CCDC126: variants seen among roughly 807,000 people sequenced by gnomAD.
The protein encoded by CCDC126 is coiled-coil domain-containing protein 126.
CCDC126 carries 5 observed loss-of-function variants against 11.7 expected under a neutral mutation model. That is an observed-to-expected ratio of 0.43 (90% CI 0.22 to 0.90). The LOEUF (loss-of-function observed/expected upper bound fraction) is 0.90. Among genes scored for constraint, CCDC126 ranks in the 40% least tolerant of loss-of-function variants. The probability of loss-of-function intolerance (pLI) is 0.27; values close to 1 mark genes in which losing one functional copy is unlikely to be tolerated. For synonymous variants in CCDC126, 60 were observed against 61.9 expected, an observed-to-expected ratio of 0.97 and a Z score of 0.14; for missense variants, 150 against 163.1, an observed-to-expected ratio of 0.92 and a Z score of 0.44.
At chr7:23,614,705 A>G (rs1782768880) in intron 3 of CCDC126, among the ~76,000 whole-genome samples, 1 of 152,234 alleles carries the variant, frequency 6.6e-6, no homozygotes, top group East Asian at 1.9e-4. Context: ...GTTAGCAGCC[A>G]TGAAAACATG....
chr7:23,605,189 A>C (rs1379962468), intron 2 of CCDC126, among the ~76,000 whole-genome samples: 1 of 152,164 alleles, frequency 6.6e-6, no homozygotes, highest in African/African-American at 2.4e-5. Flanking sequence ...TGAGGTCAGA[A>C]AGAATTTAAT....
At position 23,644,102 on chromosome 7, in the gene CCDC126, G is replaced by A. The variant is rs1214986579; in HGVS notation, c.*987G>A. On this transcript the variant is annotated 3_prime_UTR_variant, in exon 4 of 4. Transcript: ENST00000307471. ...TGCTGCATTAAATTGCTTGGAAAATGTTAACATTATATTATATAAGAGTAT... is the reference window on the plus strand; with the variant it reads ...TGCTGCATTAAATTGCTTGGAAAATATTAACATTATATTATATAAGAGTAT... 1 of 152,004 alleles carries A rather than the reference G, an allele frequency of 6.6e-6. No homozygotes were observed. Among genetic ancestry groups the A allele is most frequent in the Admixed American group, 6.5e-5 (1 of 15,280 alleles). 9.4% of individuals were successfully genotyped at this position (152,004 alleles called of 1,614,324 possible).
In CCDC126 at chr7:23,619,738, C is replaced by A. The variant is rs192940650; in HGVS notation, c.238+8185C>A. On this transcript the variant is annotated intron_variant, in intron 3 of 3. Coordinates refer to ENST00000307471, the MANE Select transcript of CCDC126 (RefSeq NM_138771.4). ...TAATGCTATCCCTCCCCCCTCCCCC[C>A]ACCCCACAATAGGCCCTGGTGTGTG... Among the ~76,000 whole-genome samples, 19 of 106,888 alleles carry A rather than the reference C, an allele frequency of 1.8e-4. No homozygotes were observed. The East Asian group carries it at 6.7e-3, about 38-fold the overall frequency. 70.1% of individuals were successfully genotyped at this position (106,888 alleles called of 152,430 possible).
At chr7:23,599,322 C>T (rs577877941) in intron 2 of CCDC126, among the ~76,000 whole-genome samples, 176 of 152,240 alleles carry the variant, frequency 1.2e-3, no homozygotes, top group African/African-American at 3.9e-3. Context: ...TGCCAACTGC[C>T]TGGTTTTCCC....
intron 3 of CCDC126, among the ~76,000 whole-genome samples, chr7:23,628,845 C>T (rs1164525415): frequency 6.6e-6 from 1 of 152,188 alleles, no homozygotes; most frequent in Non-Finnish European, 1.5e-5. Context: ...ACCACACTGT[C>T]AGTGGAGAGT....
Position 23,644,112 on chromosome 7 carries a change from T to G in CCDC126, c.*997T>G, listed in dbSNP as rs1297697655. The G allele has an allele frequency of 1.3e-5, 2 of 152,056 alleles. No individual in the cohort carries two copies. The highest frequency in any genetic ancestry group is 2.9e-5 in the Non-Finnish European group (2 of 67,950). 9.4% of individuals were successfully genotyped at this position (152,056 alleles called of 1,614,324 possible). A position where few individuals can be genotyped will look rare whatever the true frequency, so the allele number is the denominator to read the frequency against. On this transcript the variant is annotated 3_prime_UTR_variant, in exon 4 of 4. Transcript: ENST00000307471. ...AATTGCTTGGAAAATGTTAACATTATATTATATAAGAGTATCCTTTATGAA... is the reference window on the plus strand; with the variant it reads ...AATTGCTTGGAAAATGTTAACATTAGATTATATAAGAGTATCCTTTATGAA...
At chr7:23,606,524 C>T (rs906914489) in intron 2 of CCDC126, among the ~76,000 whole-genome samples, 1 of 152,134 alleles carries the variant, frequency 6.6e-6, no homozygotes, top group Non-Finnish European at 1.5e-5. Context: ...AACCACTTGA[C>T]AAGCAGCTAT....
In CCDC126 at chr7:23,611,235, C is replaced by A. The variant is rs182881031; in HGVS notation, c.-81C>A. ...TATACAATATTGAGGATATTTTTTTCTTTTTTTTTTCAAGTCTTGATTTGT... is the reference window on the plus strand; with the variant it reads ...TATACAATATTGAGGATATTTTTTTATTTTTTTTTTCAAGTCTTGATTTGT... On this transcript the variant is annotated 5_prime_UTR_variant, in exon 3 of 4. Transcript: ENST00000307471. 3.2e-3 allele frequency: 2,399 copies of A among 748,812 alleles called. 7 individuals carry two copies. The highest frequency in any genetic ancestry group is 4.7e-3 in the Non-Finnish European group (2,136 of 453,370). The allele number at this position is 748,812 out of a possible 1,614,324, so 46.4% of individuals were successfully genotyped here.
At position 23,609,610 on chromosome 7, in the gene CCDC126, C is replaced by G. The variant is rs1782673291; in HGVS notation, c.-145-1561C>G. 2.6e-5 allele frequency among the ~76,000 whole-genome samples: 4 copies of G among 152,156 alleles called. No individual in the cohort carries two copies. In the South Asian group the frequency reaches 8.3e-4, roughly 32 times the overall value. ...CCTGCCAGTGCTGTGGCTTATGCCT[C>G]TAATCCCAGCACTTTGGGAGGCTGA... On this transcript the variant is annotated intron_variant, in intron 2 of 3. Transcript: ENST00000307471.
chr7:23,610,072 A>G (rs557301906), intron 2 of CCDC126, among the ~76,000 whole-genome samples: 14 of 152,214 alleles, frequency 9.2e-5, no homozygotes, highest in African/African-American at 3.4e-4. Flanking sequence ...AGATTCTGTG[A>G]TTAACACCTT....
chr7:23,603,122 A>G (rs535674133), intron 2 of CCDC126, among the ~76,000 whole-genome samples: 82 of 152,210 alleles, frequency 5.4e-4, no homozygotes, highest in African/African-American at 1.8e-3. Flanking sequence ...TGTTATCACT[A>G]TGTTTACTGA....
intron 3 of CCDC126, among the ~76,000 whole-genome samples, chr7:23,630,440 G>T (rs140633275): frequency 0.095 from 14,377 of 151,986 alleles, 833 homozygotes; most frequent in South Asian, 0.16. Context: ...AGAGGTTGCA[G>T]TGAGCCGAGA....
intron 3 of CCDC126, among the ~76,000 whole-genome samples, chr7:23,612,660 G>A (rs1265350372): frequency 2.0e-5 from 3 of 151,940 alleles, no homozygotes; most frequent in Non-Finnish European, 2.9e-5. Context: ...GCAAGAGAGT[G>A]AGACCTCATC....
intron 3 of CCDC126, among the ~76,000 whole-genome samples, chr7:23,618,558 TTTTTA>T (rs1478803225): frequency 7.0e-6 from 1 of 143,230 alleles, no homozygotes; most frequent in Non-Finnish European, 1.6e-5. Flanking sequence ...TTTTTTTTTT[TTTTTA>T]AATTTGAGAC....
intron 2 of CCDC126, among the ~76,000 whole-genome samples, chr7:23,610,401 A>G (rs1782689385): frequency 6.6e-6 from 1 of 152,136 alleles, no homozygotes; most frequent in East Asian, 1.9e-4. Context: ...TTGTATAGAG[A>G]TGAGGTCTTC....
rs554230606 is a variant in CCDC126 at position 23,642,910 on chromosome 7, T to G, written c.239-21T>G. 5.6e-6 allele frequency: 9 copies of G among 1,604,048 alleles called. No homozygotes were observed. In the African/African-American group the frequency reaches 1.2e-4, roughly 21 times the overall value. On this transcript the variant is annotated intron_variant, in intron 3 of 3. Coordinates refer to ENST00000307471, the MANE Select transcript of CCDC126 (RefSeq NM_138771.4). ...TGAAGAGCTCTATTAATGTTAATTT[T>G]ATTCTGATTTATTCCCCTAGCGGAT...
intron 3 of CCDC126, among the ~76,000 whole-genome samples, chr7:23,612,474 C>CAAAAAAAAAAAAAAGAAAAAAAA (rs1782731239): frequency 1.8e-5 from 1 of 56,214 alleles, no homozygotes; most frequent in African/African-American, 6.2e-5. Flanking sequence ...GACTCCATCT[C>CAAAAAAAAAAAAAAGAAAAAAAA]AAAAAAAAAA....
intron 2 of CCDC126, among the ~76,000 whole-genome samples, chr7:23,602,823 C>G (rs964559441): frequency 4.6e-5 from 7 of 151,880 alleles, no homozygotes; most frequent in African/African-American, 1.7e-4. Flanking sequence ...CAGTTTATCA[C>G]AAACTGAGAT....
intron 2 of CCDC126, among the ~76,000 whole-genome samples, chr7:23,599,317 A>C (rs1190171233): frequency 6.6e-6 from 1 of 152,126 alleles, no homozygotes; most frequent in Non-Finnish European, 1.5e-5. Context: ...CCTTCTGCCA[A>C]CTGCCTGGTT....
Sources: allele counts gnomAD v4.1 joint callset (sites outside exome capture counted in the v4.1 genomes callset), GRCh38; gene constraint gnomAD v4.1.1; transcripts MANE v1.5; gene names NCBI Gene and HGNC (gene_info 2026-07-23, HGNC 2026-07-21).